The following TPTE2 variants were observed in gnomAD, a reference collection of about 807,000 sequenced individuals.
TPTE2 encodes transmembrane phosphoinositide 3-phosphatase and tensin homolog 2.
A neutral mutation model predicts 78.6 loss-of-function variants in TPTE2; 53 were observed. That is an observed-to-expected ratio of 0.67 (90% CI 0.54 to 0.85). The LOEUF (loss-of-function observed/expected upper bound fraction) is 0.85. Ranked by LOEUF, TPTE2 falls within the 40% of genes least tolerant of loss-of-function variation. TPTE2 has a pLI of 0.00. For missense variants in TPTE2, 461 were observed against 623.0 expected (o/e 0.74, Z 2.77); for synonymous variants, 175 against 206.2 (o/e 0.85, Z 1.30).
At chr13:19,550,918 A>G in the TPTE2 span, among the ~76,000 whole-genome samples, 21 of 152,162 alleles carry the variant, frequency 1.4e-4, no homozygotes, top group African/African-American at 4.8e-4. Flanking sequence ...CAGCCTCCCA[A>G]GTAACTACGA....
chr13:19,480,787 A>G (rs1361860657), intron 4 of TPTE2, among the ~76,000 whole-genome samples: 1 of 152,230 alleles, frequency 6.6e-6, no homozygotes, highest in Non-Finnish European at 1.5e-5. Context: ...GTTAAAGCAC[A>G]TATCAATATC....
At chr13:19,443,592 CAG>C (rs1566042236) in intron 13 of TPTE2, among the ~76,000 whole-genome samples, 1 of 151,944 alleles carries the variant, frequency 6.6e-6, no homozygotes, top group East Asian at 1.9e-4. Flanking sequence ...TTAGTAGAGA[CAG>C]GGTTTCACCA....
At chr13:19,495,350 T>C (rs528168521) in intron 1 of TPTE2, among the ~76,000 whole-genome samples, 1 of 152,322 alleles carries the variant, frequency 6.6e-6, no homozygotes, top group African/African-American at 2.4e-5. Flanking sequence ...ATTTTTCTGA[T>C]CTTTGTCCAC....
At chr13:19,492,230 G>A (rs188027476) in intron 3 of TPTE2, among the ~76,000 whole-genome samples, 18 of 152,188 alleles carry the variant, frequency 1.2e-4, no homozygotes, top group East Asian at 3.9e-4. Context: ...TGAAGTACCC[G>A]CGCACCTGAG....
At chr13:19,442,100 C>T (rs1479729422) in intron 13 of TPTE2, among the ~76,000 whole-genome samples, 1 of 152,058 alleles carries the variant, frequency 6.6e-6, no homozygotes, top group East Asian at 1.9e-4. Context: ...ACATAGAACA[C>T]TGTTCTCAAC....
chr13:19,490,107 TAACA>T (rs1296787642), intron 3 of TPTE2, among the ~76,000 whole-genome samples: 3 of 152,300 alleles, frequency 2.0e-5, no homozygotes, highest in Admixed American at 6.5e-5. Context: ...TCTTGGGCCT[TAACA>T]AACAATCTAA....
At chr13:19,547,179 C>T in the TPTE2 span, among the ~76,000 whole-genome samples, 8 of 151,892 alleles carry the variant, frequency 5.3e-5, no homozygotes, top group South Asian at 2.1e-4. Context: ...GTGGGGTAGC[C>T]GGGAACGTGG....
At chr13:19,432,788 G>T (rs931750134) in intron 15 of TPTE2, among the ~76,000 whole-genome samples, 1 of 151,614 alleles carries the variant, frequency 6.6e-6, no homozygotes, top group African/African-American at 2.4e-5. Flanking sequence ...AGTGCAATGG[G>T]GAAGTAACAA....
intron 5 of TPTE2, among the ~76,000 whole-genome samples, chr13:19,474,395 C>G (rs1879815597): frequency 6.6e-6 from 1 of 152,178 alleles, no homozygotes; most frequent in African/African-American, 2.4e-5. Flanking sequence ...TTAAAATCAC[C>G]TGTGTCTGTT....
chr13:19,485,936 A>AT (rs1350182359), intron 3 of TPTE2, among the ~76,000 whole-genome samples: 2 of 151,986 alleles, frequency 1.3e-5, no homozygotes, highest in African/African-American at 4.8e-5. Context: ...TCCTGATTTC[A>AT]TTGACTTGTC....
chr13:19,480,523 C>T lies in TPTE2; in HGVS notation c.179+1965G>A, dbSNP rs1880282484. On this transcript the variant is annotated intron_variant, in intron 4 of 19. Coordinates refer to ENST00000400230, the Ensembl canonical transcript of TPTE2. The stretch of plus-strand genomic sequence containing the variant: ...AAAGGCAAAATCACAAAGAAAGGAA[C>T]AGATACATTTGATTACATGAGGATT... Among the ~76,000 whole-genome samples the T allele has an allele frequency of 2.0e-5, 3 of 152,146 alleles. No homozygotes were observed. The East Asian group carries it at 5.8e-4, about 29-fold the overall frequency.
intron 15 of TPTE2, among the ~76,000 whole-genome samples, chr13:19,434,498 T>C (rs1343490859): frequency 6.6e-6 from 1 of 152,216 alleles, no homozygotes; most frequent in South Asian, 2.1e-4. Context: ...GGACATAGTA[T>C]GGATTTTGAG....
chr13:19,438,188 A>C, intron 13 of TPTE2, 35 bp from the exon 17 acceptor site: 1 of 1,596,598 alleles, frequency 6.3e-7, no homozygotes, highest in South Asian at 1.1e-5. Context: ...AAGAACATAC[A>C]TGGTATAAAA....
At chr13:19,452,277 A>C (rs977678957) in intron 10 of TPTE2, among the ~76,000 whole-genome samples, 1 of 152,102 alleles carries the variant, frequency 6.6e-6, no homozygotes, top group Non-Finnish European at 1.5e-5. Flanking sequence ...AATTTAAGCA[A>C]ATTTTAATCA....
In TPTE2 at chr13:19,473,903, A is replaced by G; in HGVS notation, c.392+11T>C. The G allele has an allele frequency of 1.3e-6, 2 of 1,581,816 alleles. No individual in the cohort carries two copies. The highest frequency in any genetic ancestry group is 2.4e-5 in the South Asian group (2 of 85,014). ...AATAGCTTAATGCATTATAAAAATAATCAAACTTACCCTTCTACAAATACT... is the reference window on the plus strand; with the variant it reads ...AATAGCTTAATGCATTATAAAAATAGTCAAACTTACCCTTCTACAAATACT... On this transcript the variant is annotated intron_variant, in intron 6 of 19. Transcript: ENST00000400230.
At chr13:19,555,308 T>A in the TPTE2 span, among the ~76,000 whole-genome samples, 1 of 152,190 alleles carries the variant, frequency 6.6e-6, no homozygotes, top group Non-Finnish European at 1.5e-5. Flanking sequence ...CTGTATCCTC[T>A]GTAGCAGTGG....
chr13:19,487,980 T>C (rs1266039014), intron 3 of TPTE2, among the ~76,000 whole-genome samples: 3 of 152,172 alleles, frequency 2.0e-5, no homozygotes, highest in Non-Finnish European at 4.4e-5. Flanking sequence ...ATCTTCTGCT[T>C]ACCTTCACCC....
intron 1 of TPTE2, among the ~76,000 whole-genome samples, chr13:19,516,773 A>C (rs1274499739): frequency 1.3e-5 from 2 of 152,198 alleles, no homozygotes; most frequent in Non-Finnish European, 2.9e-5. Context: ...GATTAAAGTG[A>C]CCAGTATATG....
intron 3 of TPTE2, among the ~76,000 whole-genome samples, chr13:19,484,021 G>A (rs1218467981): frequency 6.8e-6 from 1 of 146,768 alleles, no homozygotes; most frequent in African/African-American, 2.5e-5. Flanking sequence ...GTGAGAACAT[G>A]TGATGTTTGG....
Sources: allele counts gnomAD v4.1 joint callset (sites outside exome capture counted in the v4.1 genomes callset), GRCh38; gene constraint gnomAD v4.1.1; transcripts MANE v1.5; gene names NCBI Gene and HGNC (gene_info 2026-07-23, HGNC 2026-07-21).